PRKG1: variants seen among roughly 807,000 people sequenced by gnomAD.
The protein encoded by PRKG1 is cGMP-dependent protein kinase 1.
A neutral mutation model predicts 88.1 loss-of-function variants in PRKG1; 35 were observed. The ratio of observed to expected loss-of-function variants is 0.40; its 90% CI spans 0.30 to 0.53. PRKG1 has a LOEUF of 0.53. Among genes scored for constraint, PRKG1 ranks in the 20% least tolerant of loss-of-function variants. The pLI is 0.59. For missense variants in PRKG1, 540 were observed against 839.8 expected (o/e 0.64, Z 4.41); for synonymous variants, 303 against 292.5 (o/e 1.04, Z -0.37).
chr10:51,708,527 C>G (rs1392851302), intron 3 of PRKG1, among the ~76,000 whole-genome samples: 3 of 152,138 alleles, frequency 2.0e-5, no homozygotes, highest in African/African-American at 7.2e-5. Context: ...TCTCCCACTC[C>G]CTTCCTCACT....
At chr10:51,699,161 C>G in intron 3 of PRKG1, 1 of 1,614,194 alleles carries the variant, frequency 6.2e-7, no homozygotes, top group Non-Finnish European at 8.5e-7. Context: ...GGCTACTGCT[C>G]TGGTAATCGA....
At chr10:52,027,542 A>T (rs1225209241) in intron 5 of PRKG1, among the ~76,000 whole-genome samples, 1 of 152,156 alleles carries the variant, frequency 6.6e-6, no homozygotes, top group African/African-American at 2.4e-5. Flanking sequence ...CAATCCAGAG[A>T]ATTACATCTA....
chr10:52,265,212 G>A (rs781377108), intron 10 of PRKG1, among the ~76,000 whole-genome samples: 1 of 152,128 alleles, frequency 6.6e-6, no homozygotes, highest in South Asian at 2.1e-4. Flanking sequence ...CCAGGTTTAT[G>A]TTTTCCTTAA....
At chr10:50,998,835 CTT>C (rs751271499) in intron 1 of PRKG1, among the ~76,000 whole-genome samples, 32 of 152,116 alleles carry the variant, frequency 2.1e-4, no homozygotes, top group Non-Finnish European at 3.8e-4. Context: ...AAATGTATGT[CTT>C]TTAAATAGAT....
intron 5 of PRKG1, among the ~76,000 whole-genome samples, chr10:52,009,293 G>A (rs12246992): frequency 0.2 from 30,508 of 151,922 alleles, 3,217 homozygotes; most frequent in East Asian, 0.33. Context: ...TGCCCCAAAG[G>A]TCCTTGATCT....
chr10:51,382,101 A>G (rs774174963), intron 2 of PRKG1, among the ~76,000 whole-genome samples: 5 of 152,150 alleles, frequency 3.3e-5, no homozygotes, highest in African/African-American at 4.8e-5. Flanking sequence ...TTAGATTTCA[A>G]ACATCATTAT....
intron 4 of PRKG1, among the ~76,000 whole-genome samples, chr10:51,841,456 G>A (rs1840273494): frequency 6.6e-6 from 1 of 152,158 alleles, no homozygotes; most frequent in South Asian, 2.1e-4. Context: ...CACATAGCCT[G>A]GACTTGTGGA....
chr10:52,291,622 C>T (rs9731090), intron 17 of PRKG1, among the ~76,000 whole-genome samples: 9 of 151,992 alleles, frequency 5.9e-5, no homozygotes, highest in East Asian at 1.9e-4. Context: ...ATGGTGTATA[C>T]GTGCCACATT....
chr10:51,045,857 A>T lies in PRKG1; in HGVS notation c.266+54213A>T, dbSNP rs530034055. On this transcript the variant is annotated intron_variant, in intron 1 of 17. Coordinates refer to the PRKG1 transcript ENST00000401604. ...AATTTCCTCATAGACTAATTTATTT[A>T]TAACTTAAATACATAATTTTAAATC... Among the ~76,000 whole-genome samples the T allele has an allele frequency of 5.7e-4, 87 of 152,370 alleles. 1 individual carries two copies. Among genetic ancestry groups the T allele is most frequent in the African/African-American group, 2.1e-3 (86 of 41,592 alleles).
At chr10:52,000,328 TA>T (rs1844563017) in intron 5 of PRKG1, among the ~76,000 whole-genome samples, 1 of 151,984 alleles carries the variant, frequency 6.6e-6, no homozygotes, top group Admixed American at 6.6e-5. Context: ...GACAGCAATA[TA>T]TATATATAAT....
chr10:51,838,079 C>G (rs555750080), intron 4 of PRKG1, among the ~76,000 whole-genome samples: 8 of 152,100 alleles, frequency 5.3e-5, no homozygotes, highest in African/African-American at 1.9e-4. Flanking sequence ...CATATCAATA[C>G]AATTCATTAA....
intron 3 of PRKG1, among the ~76,000 whole-genome samples, chr10:51,546,763 G>A (rs1842452483): frequency 6.6e-6 from 1 of 151,990 alleles, no homozygotes; most frequent in Admixed American, 6.6e-5. Context: ...AGTTTTATCT[G>A]TGACTCTCCA....
intron 1 of PRKG1, among the ~76,000 whole-genome samples, chr10:51,034,832 G>T (rs1169020084): frequency 1.3e-5 from 2 of 151,426 alleles, no homozygotes; most frequent in Non-Finnish European, 2.9e-5. Flanking sequence ...TAGGACAAAA[G>T]ACTGATATTG....
At chr10:51,190,496 T>C (rs552394125) in intron 2 of PRKG1, among the ~76,000 whole-genome samples, 3 of 151,864 alleles carry the variant, frequency 2.0e-5, no homozygotes, top group South Asian at 2.1e-4. Context: ...AAACAACTCA[T>C]AGGGCCAGTG....
intron 4 of PRKG1, among the ~76,000 whole-genome samples, chr10:51,879,665 A>G (rs1841388451): frequency 6.6e-6 from 1 of 152,200 alleles, no homozygotes; most frequent in Admixed American, 6.5e-5. Context: ...GGAAACAAAA[A>G]TCCTATGTGT....
intron 2 of PRKG1, among the ~76,000 whole-genome samples, chr10:51,186,378 T>G (rs1323580580): frequency 6.6e-6 from 1 of 151,956 alleles, no homozygotes; most frequent in East Asian, 1.9e-4. Context: ...TTATTTAACT[T>G]CTATGTTCTC....
chr10:51,648,698 A>G (rs1200801437), intron 3 of PRKG1, among the ~76,000 whole-genome samples: 1 of 152,118 alleles, frequency 6.6e-6, no homozygotes, highest in Non-Finnish European at 1.5e-5. Flanking sequence ...AGCATTACCA[A>G]TAAGGGTTTT....
chr10:52,064,412 G>A (rs1846308016), intron 7 of PRKG1, among the ~76,000 whole-genome samples: 2 of 152,210 alleles, frequency 1.3e-5, no homozygotes, highest in Admixed American at 6.5e-5. Flanking sequence ...CTCTGATCCT[G>A]TGAGGGCCAG....
intron 1 of PRKG1, among the ~76,000 whole-genome samples, chr10:51,114,633 G>A (rs184779369): frequency 1.3e-5 from 2 of 152,268 alleles, no homozygotes; most frequent in East Asian, 3.9e-4. Context: ...TAAAATGTGT[G>A]GAACTGGTAT....
Sources: allele counts gnomAD v4.1 joint callset (sites outside exome capture counted in the v4.1 genomes callset), GRCh38; gene constraint gnomAD v4.1.1; transcripts MANE v1.5; gene names NCBI Gene and HGNC (gene_info 2026-07-23, HGNC 2026-07-21).